The following SIX3 variants were observed in gnomAD, a reference collection of about 807,000 sequenced individuals.
SIX3 encodes homeobox protein SIX3.
SIX3 carries 2 observed loss-of-function variants against 21.7 expected under a neutral mutation model. The ratio of observed to expected loss-of-function variants is 0.09; its 90% CI spans 0.04 to 0.29. The LOEUF is 0.29. Among genes scored for constraint, SIX3 ranks in the 10% least tolerant of loss-of-function variants. SIX3 has a pLI of 1.00. For synonymous variants in SIX3, 243 were observed against 220.6 expected, an observed-to-expected ratio of 1.10 and a Z score of -0.90; for missense variants, 347 against 480.7, an observed-to-expected ratio of 0.72 and a Z score of 2.60.
Position 44,942,299 on chromosome 2 carries a change from C to T in SIX3, c.195C>T (p.Gly65=), listed in dbSNP as rs1666595202. ...GGGGAGGAGG[G]GGGGSRAPPE... is the part of the protein sequence containing the mutation. Reference sequence around the variant, plus strand: ...GCGGTGCTGGCGGAGCAGGCGGCGGCGGCGGCGGCGGCTCCAGGGCCCCCC... The same window carrying T: ...GCGGTGCTGGCGGAGCAGGCGGCGGTGGCGGCGGCGGCTCCAGGGCCCCCC... The change falls in exon 1 of 2, where the codon GGC becomes GGT. Residue 65 remains glycine, a synonymous_variant. Transcript: ENST00000260653. The surrounding 1 kb of genome is among the most constrained non-coding windows in gnomAD (Gnocchi z 8.4). 2 of 1,570,676 alleles carry T rather than the reference C, an allele frequency of 1.3e-6. No homozygotes were observed. The highest frequency in any genetic ancestry group is 2.7e-5 in the African/African-American group (2 of 73,722).
chr2:44,943,042 C>T (rs1666610805), intron 1 of SIX3, 132 bp downstream of exon 1: 1 of 1,413,044 alleles, frequency 7.1e-7, no homozygotes, highest in Non-Finnish European at 9.3e-7. Flanking sequence ...GAGAAAGTTT[C>T]CGCTTGTCCG....
chr2:44,943,112 G>A (rs1400720284), intron 1 of SIX3, among the ~76,000 whole-genome samples: 3 of 152,180 alleles, frequency 2.0e-5, no homozygotes, highest in Non-Finnish European at 4.4e-5. Context: ...TGACCAAGAG[G>A]GGCTTTCGTC....
rs1572623255 is a variant in SIX3 at position 44,941,747 on chromosome 2, T to C, written c.-358T>C. 3.3e-6 allele frequency: 1 copy of C among 306,424 alleles called. No homozygotes were observed. The highest frequency in any genetic ancestry group is 7.7e-5 in the East Asian group (1 of 12,948). The allele number at this position is 306,424 out of a possible 1,614,324, so 19.0% of individuals were successfully genotyped here. ...GGAGATATTATGAGGCTGTTGTCAT[T>C]AGGGCGATTGCGGTGGAATCGCTGA... On this transcript the variant is annotated 5_prime_UTR_variant, in exon 1 of 2. Coordinates refer to ENST00000260653, the MANE Select transcript of SIX3 (RefSeq NM_005413.4).
At chr2:44,943,026 C>T (rs1558420235) in intron 1 of SIX3, 116 bp downstream of exon 1, 15 of 1,437,334 alleles carry the variant, frequency 1.0e-5, no homozygotes, top group Middle Eastern at 2.0e-4. Flanking sequence ...GACTCCTGGC[C>T]AGTCGGAGAA....
chr2:44,944,908 C>T lies in SIX3; in HGVS notation c.*148C>T. The T allele has an allele frequency of 2.8e-6, 2 of 724,172 alleles. No homozygotes were observed. The highest frequency in any genetic ancestry group is 4.8e-6 in the Non-Finnish European group (2 of 412,998). The allele number at this position is 724,172 out of a possible 1,614,324, so 44.9% of individuals were successfully genotyped here. On this transcript the variant is annotated 3_prime_UTR_variant, in exon 2 of 2. Coordinates refer to ENST00000260653, the MANE Select transcript of SIX3 (RefSeq NM_005413.4). The stretch of plus-strand genomic sequence containing the variant: ...CAGGATACCCAACCATACACACATA[C>T]AAGTCCACACACACTCCCACCCCAG...
chr2:44,945,065 G>C lies in SIX3; in HGVS notation c.*305G>C. The C allele has an allele frequency of 8.0e-6, 4 of 501,746 alleles. No individual in the cohort carries two copies. The highest frequency in any genetic ancestry group is 1.4e-5 in the Non-Finnish European group (4 of 277,548). 31.1% of individuals were successfully genotyped at this position (501,746 alleles called of 1,614,324 possible). On this transcript the variant is annotated 3_prime_UTR_variant, in exon 2 of 2. Transcript: ENST00000260653. Reference sequence around the variant, plus strand: ...AGACAGTCAAACGCTGATGTTGCGGGCAGAAAACATAAAAGAGGTGACAAT... The same window carrying C: ...AGACAGTCAAACGCTGATGTTGCGGCCAGAAAACATAAAAGAGGTGACAAT...
chr2:44,941,820 C>T lies in SIX3; in HGVS notation c.-285C>T, dbSNP rs1666575648. ...CTCTCCCTCTCCTCTCTCCCTCTCC[C>T]TCTCCCTCTCTGTCTCGGGTTCTCT... On this transcript the variant is annotated 5_prime_UTR_variant, in exon 1 of 2. Coordinates refer to ENST00000260653, the MANE Select transcript of SIX3 (RefSeq NM_005413.4). 14 of 385,014 alleles carry T rather than the reference C, an allele frequency of 3.6e-5. No individual in the cohort carries two copies. In the South Asian group the frequency reaches 3.8e-4, roughly 10 times the overall value. The allele number at this position is 385,014 out of a possible 1,614,324, so 23.8% of individuals were successfully genotyped here.
intron 1 of SIX3, among the ~76,000 whole-genome samples, chr2:44,943,702 T>A (rs1377456238): frequency 1.3e-5 from 2 of 150,414 alleles, no homozygotes; most frequent in Non-Finnish European, 3.0e-5. Context: ...GCGAAAGGAG[T>A]GGGGAGAGAA....
Position 44,941,981 on chromosome 2 carries a change from C to T in SIX3, c.-124C>T. 1.4e-6 allele frequency: 1 copy of T among 701,240 alleles called. No homozygotes were observed. Among genetic ancestry groups the T allele is most frequent in the Non-Finnish European group, 2.6e-6 (1 of 390,228 alleles). The allele number at this position is 701,240 out of a possible 1,614,324, so 43.4% of individuals were successfully genotyped here. On this transcript the variant is annotated 5_prime_UTR_variant, in exon 1 of 2. Coordinates refer to ENST00000260653, the MANE Select transcript of SIX3 (RefSeq NM_005413.4). ...CTCTCCCTCCTCCTCCTGCTCCCCC[C>T]TCCTTTCCTTCTCCTCCTCCCCCCT... is the stretch of plus-strand genomic sequence containing the variant.
At position 44,942,961 on chromosome 2, in the gene SIX3, G is replaced by T. The variant is rs751993519; in HGVS notation, c.806+51G>T. ...CTACAGCCTCAGAGGCCTGGGAAGG[G>T]GAGAGGGGTTGAGATGGGGCTAGCG... On this transcript the variant is annotated intron_variant, in intron 1 of 1. Transcript: ENST00000260653. This position sits in a 1 kb window ranked among gnomAD's most constrained non-coding sequence, Gnocchi z 8.4. 16 of 1,569,036 alleles carry T rather than the reference G, an allele frequency of 1.0e-5. No individual in the cohort carries two copies. The highest frequency in any genetic ancestry group is 1.3e-5 in the Non-Finnish European group (15 of 1,165,220).
chr2:44,945,799 T>C lies in SIX3; in HGVS notation c.*1039T>C, dbSNP rs1037656277. On this transcript the variant is annotated 3_prime_UTR_variant, in exon 2 of 2. Coordinates refer to ENST00000260653, the MANE Select transcript of SIX3 (RefSeq NM_005413.4). ...CCCCGCTCAACTGTCTCTTTTCTTT[T>C]TGGGGTTCTCCTCCCACTCGGTGCT... The C allele has an allele frequency of 2.6e-5, 4 of 152,260 alleles. No homozygotes were observed. The highest frequency in any genetic ancestry group is 7.2e-5 in the African/African-American group (3 of 41,462). 9.4% of individuals were successfully genotyped at this position (152,260 alleles called of 1,614,324 possible). A position where few individuals can be genotyped will look rare whatever the true frequency, so the allele number is the denominator to read the frequency against.
Position 44,944,658 on chromosome 2 carries a change from G to C in SIX3, c.897G>C (p.Thr299=). The C allele has an allele frequency of 6.3e-7, 1 of 1,577,802 alleles. No individual in the cohort carries two copies. The highest frequency in any genetic ancestry group is 8.5e-7 in the Non-Finnish European group (1 of 1,169,770). ...ACGGCTCGGCAGAGTCGCCGTCCACGGCGGCCAGCCCGACCACCAGCGTGT... is the reference window on the plus strand; with the variant it reads ...ACGGCTCGGCAGAGTCGCCGTCCACCGCGGCCAGCCCGACCACCAGCGTGT... ...PTHGSAESPS[T]AASPTTSVSS... Residue 299 remains threonine, a synonymous_variant, in exon 2 of 2, where the codon ACG becomes ACC. Coordinates refer to ENST00000260653, the MANE Select transcript of SIX3 (RefSeq NM_005413.4).
Position 44,944,656 on chromosome 2 carries a change from A to T in SIX3, c.895A>T (p.Thr299Ser). The T allele has an allele frequency of 6.3e-7, 1 of 1,577,230 alleles. No individual in the cohort carries two copies. The highest frequency in any genetic ancestry group is 8.6e-7 in the Non-Finnish European group (1 of 1,169,486). The change falls in exon 2 of 2, where the codon ACG becomes TCG. Residue 299 changes from threonine (T) to serine (S), a missense_variant. Physicochemically the swap from Thr to Ser is moderately conservative, Grantham distance 58. Coordinates refer to ENST00000260653, the MANE Select transcript of SIX3 (RefSeq NM_005413.4). ...PTHGSAESPS[T>S]AASPTTSVSS... The stretch of plus-strand genomic sequence containing the variant: ...GCACGGCTCGGCAGAGTCGCCGTCC[A>T]CGGCGGCCAGCCCGACCACCAGCGT...
At position 44,941,840 on chromosome 2, in the gene SIX3, TTC is replaced by T. The variant is rs1283947696; in HGVS notation, c.-257_-256del. ...TCTCCCTCTCCCTCTCTGTCTCGGG[TTC>T]TCTCTCTGCGCGCGCGCACCGGGCC... On this transcript the variant is annotated 5_prime_UTR_variant, in exon 1 of 2. Transcript: ENST00000260653. 5.2e-6 allele frequency: 2 copies of T among 381,006 alleles called. No individual in the cohort carries two copies. Among genetic ancestry groups the T allele is most frequent in the Non-Finnish European group, 9.9e-6 (2 of 202,334 alleles). 23.6% of individuals were successfully genotyped at this position (381,006 alleles called of 1,614,324 possible).
Position 44,942,026 on chromosome 2 carries a change from T to C in SIX3, c.-79T>C. Reference sequence around the variant, plus strand: ...CCCCCTCTCCTCTCCCTCCTCCTGGTCCTCATCGCCCCTCTCCTCCTCTTC... The same window carrying C: ...CCCCCTCTCCTCTCCCTCCTCCTGGCCCTCATCGCCCCTCTCCTCCTCTTC... On this transcript the variant is annotated 5_prime_UTR_variant, in exon 1 of 2. Transcript: ENST00000260653. The surrounding 1 kb of genome is among the most constrained non-coding windows in gnomAD (Gnocchi z 8.4). 9.9e-7 allele frequency: 1 copy of C among 1,012,098 alleles called. No homozygotes were observed. Among genetic ancestry groups the C allele is most frequent in the Non-Finnish European group, 1.5e-6 (1 of 679,568 alleles). 62.7% of individuals were successfully genotyped at this position (1,012,098 alleles called of 1,614,324 possible).
Position 44,942,030 on chromosome 2 carries a change from C to T in SIX3, c.-75C>T. ...CTCTCCTCTCCCTCCTCCTGGTCCT[C>T]ATCGCCCCTCTCCTCCTCTTCCTCC... On this transcript the variant is annotated 5_prime_UTR_variant, in exon 1 of 2. Coordinates refer to ENST00000260653, the MANE Select transcript of SIX3 (RefSeq NM_005413.4). This position sits in a 1 kb window ranked among gnomAD's most constrained non-coding sequence, Gnocchi z 8.4. The T allele has an allele frequency of 8.7e-7, 1 of 1,150,426 alleles. No homozygotes were observed. Among genetic ancestry groups the T allele is most frequent in the Non-Finnish European group, 1.3e-6 (1 of 789,510 alleles). 71.3% of individuals were successfully genotyped at this position (1,150,426 alleles called of 1,614,324 possible).
Position 44,941,919 on chromosome 2 carries a change from T to C in SIX3, c.-186T>C, listed in dbSNP as rs1421301356. On this transcript the variant is annotated 5_prime_UTR_variant, in exon 1 of 2. It removes an upstream start codon present in the reference 5' UTR. Coordinates refer to ENST00000260653, the MANE Select transcript of SIX3 (RefSeq NM_005413.4). ...CTGCGCGGGTGTGTGTGTGTGTGGA[T>C]GTGTGTGGGGTGTGGGTGTCCCTTA... 1.8e-6 allele frequency: 1 copy of C among 569,712 alleles called. No homozygotes were observed. Among genetic ancestry groups the C allele is most frequent in the Non-Finnish European group, 3.3e-6 (1 of 304,208 alleles). 35.3% of individuals were successfully genotyped at this position (569,712 alleles called of 1,614,324 possible).
chr2:44,943,442 GCC>G (rs1167770167), intron 1 of SIX3, among the ~76,000 whole-genome samples: 1 of 152,246 alleles, frequency 6.6e-6, no homozygotes, highest in Non-Finnish European at 1.5e-5. Flanking sequence ...GAGCAGGAGA[GCC>G]GGGCTGGGAG....
chr2:44,944,713 A>C lies in SIX3; in HGVS notation c.952A>C (p.Thr318Pro). 1.3e-6 allele frequency: 2 copies of C among 1,587,836 alleles called. No homozygotes were observed. The highest frequency in any genetic ancestry group is 8.5e-7 in the Non-Finnish European group (1 of 1,174,676). The change falls in exon 2 of 2, where the codon ACC becomes CCC. Residue 318 changes from threonine to proline, a missense_variant. Around this residue, in one of 4 missense-constraint regions of SIX3, gnomAD observed 110 missense variants for 93.3 expected, o/e 1.18. Transcript: ENST00000260653. ...CCTGACGGAGCGCGCAGACACCGGCACCTCCATCCTCTCGGTAACCTCCAG... is the reference window on the plus strand; with the variant it reads ...CCTGACGGAGCGCGCAGACACCGGCCCCTCCATCCTCTCGGTAACCTCCAG... ...SSLTERADTGTSILSVTSSDS... is the reference protein window; with the variant it reads ...SSLTERADTGPSILSVTSSDS...
Sources: allele counts gnomAD v4.1 joint callset (sites outside exome capture counted in the v4.1 genomes callset), GRCh38; gene constraint gnomAD v4.1.1; regional missense constraint gnomAD v4.1.1; non-coding constraint Gnocchi (gnomAD v3.1); transcripts MANE v1.5; gene names NCBI Gene and HGNC (gene_info 2026-07-23, HGNC 2026-07-21).